ACTG2: variants seen among roughly 807,000 people sequenced by gnomAD.
ACTG2 encodes the protein actin gamma 2, smooth muscle.
In ACTG2, 16 loss-of-function variants were observed where a neutral mutation model predicts 37.6. The ratio of observed to expected loss-of-function variants is 0.43; its 90% confidence interval spans 0.29 to 0.65. ACTG2 has a LOEUF of 0.65. Ranked by LOEUF, ACTG2 falls within the 30% of genes least tolerant of loss-of-function variation. The pLI, the probability that ACTG2 is intolerant of heterozygous loss-of-function variation, is 0.18. For synonymous variants in ACTG2, 181 were observed against 179.9 expected, an observed-to-expected ratio of 1.01 and a Z score of -0.05; for missense variants, 238 against 490.9, an observed-to-expected ratio of 0.48 and a Z score of 4.87.
At chr2:73,905,581 G>A (rs920902807) in intron 3 of ACTG2, among the ~76,000 whole-genome samples, 3 of 152,098 alleles carry the variant, frequency 2.0e-5, no homozygotes, top group Non-Finnish European at 4.4e-5. Context: ...AAATAACTAG[G>A]TATGATTTTT....
intron 7 of ACTG2, among the ~76,000 whole-genome samples, chr2:73,915,944 A>G (rs1334165843): frequency 6.6e-6 from 1 of 152,162 alleles, no homozygotes; most frequent in African/African-American, 2.4e-5. Flanking sequence ...GAAGGTATTT[A>G]AAATGTTCTA....
rs923003043 is a variant in ACTG2 at position 73,902,915 on chromosome 2, G to A, written c.255+427G>A. ...TTTCCTGCAATATTTACTCAGGCCA[G>A]TGCTCACCCCTTCTTTAAAATGCTG... On this transcript the variant is annotated intron_variant, in intron 3 of 8. Transcript: ENST00000345517. 3.8e-6 allele frequency: 3 copies of A among 783,758 alleles called. No individual in the cohort carries two copies. In the Admixed American group the frequency reaches 9.0e-5, roughly 23 times the overall value. The allele number at this position is 783,758 out of a possible 1,614,324, so 48.6% of individuals were successfully genotyped here.
chr2:73,905,944 C>G lies in ACTG2; in HGVS notation c.256-2729C>G, dbSNP rs1052561708. Among the ~76,000 whole-genome samples, 30 of 149,976 alleles carry G rather than the reference C, an allele frequency of 2.0e-4. 1 individual carries two copies. The highest frequency in any genetic ancestry group is 6.6e-5 in the Admixed American group (1 of 15,130). ...AGCATTTTCAAAAGTTTAAGTTTAT[C>G]AAAAATAAATATTTATTATGAAAAG... is the stretch of plus-strand genomic sequence containing the variant. On this transcript the variant is annotated intron_variant, in intron 3 of 8. Coordinates refer to ENST00000345517, the MANE Select transcript of ACTG2 (RefSeq NM_001615.4).
intron 8 of ACTG2, 44 bp downstream of exon 8, chr2:73,916,809 G>C: frequency 1.3e-6 from 2 of 1,588,068 alleles, no homozygotes; most frequent in Non-Finnish European, 1.7e-6. Context: ...TTTGTATAAA[G>C]TCTTGCCTAC....
At chr2:73,901,153 C>T in intron 1 of ACTG2, 123 bp from the exon 2 acceptor site, 1 of 766,770 alleles carries the variant, frequency 1.3e-6, no homozygotes, top group Non-Finnish European at 1.9e-6. Context: ...AGGCCAAGCC[C>T]ATGCCTGTCC....
In ACTG2 at chr2:73,910,852, C is replaced by CA. The variant is rs1441963537; in HGVS notation, c.451+1714dup. 3.3e-5 allele frequency among the ~76,000 whole-genome samples: 5 copies of CA among 152,194 alleles called. No individual in the cohort carries two copies. The East Asian group carries it at 9.7e-4, about 29-fold the overall frequency. On this transcript the variant is annotated intron_variant, in intron 5 of 8. Coordinates refer to ENST00000345517, the MANE Select transcript of ACTG2 (RefSeq NM_001615.4). ...GTACTGGGATTACAGGTGTGATCAT[C>CA]ACCCCCAGCCAAAAATAGTTTCATT... is the stretch of plus-strand genomic sequence containing the variant.
chr2:73,906,473 T>A (rs1680018462), intron 3 of ACTG2, among the ~76,000 whole-genome samples: 2 of 139,832 alleles, frequency 1.4e-5, no homozygotes, highest in South Asian at 4.7e-4. Context: ...AAAAAATAAA[T>A]AAATAAATAA....
intron 7 of ACTG2, among the ~76,000 whole-genome samples, chr2:73,916,085 A>G (rs1721261): frequency 0.53 from 81,266 of 152,068 alleles, 23,451 homozygotes; most frequent in Non-Finnish European, 0.63. Flanking sequence ...AGGCAACAGT[A>G]TAAAAGATCA....
intron 1 of ACTG2, among the ~76,000 whole-genome samples, chr2:73,900,243 C>T (rs1214644204): frequency 6.6e-6 from 1 of 152,228 alleles, no homozygotes; most frequent in African/African-American, 2.4e-5. Context: ...GGGGCCTTCC[C>T]CACTTCTGCC....
At chr2:73,913,686 C>A in intron 6 of ACTG2, 40 bp downstream of exon 6, 1 of 1,551,568 alleles carries the variant, frequency 6.4e-7, no homozygotes, top group Non-Finnish European at 8.8e-7. Context: ...GAGCTCAGAA[C>A]CAATCTGGTT....
At chr2:73,895,811 G>A (rs1034629910) in intron 1 of ACTG2, among the ~76,000 whole-genome samples, 9 of 152,264 alleles carry the variant, frequency 5.9e-5, no homozygotes, top group South Asian at 2.1e-4. Flanking sequence ...AGCCCTTGAC[G>A]ACAGGGATTG....
At chr2:73,913,079 GA>G (rs1680175852) in intron 5 of ACTG2, among the ~76,000 whole-genome samples, 1 of 146,522 alleles carries the variant, frequency 6.8e-6, no homozygotes, top group South Asian at 2.1e-4. Context: ...TGAGGCAGGA[GA>G]ATCACTTGAA....
At chr2:73,910,654 A>C (rs1680113015) in intron 5 of ACTG2, among the ~76,000 whole-genome samples, 1 of 136,358 alleles carries the variant, frequency 7.3e-6, no homozygotes, top group Non-Finnish European at 1.6e-5. Flanking sequence ...GCGTGCCACC[A>C]TGCCTGGCTT....
intron 8 of ACTG2, among the ~76,000 whole-genome samples, chr2:73,918,226 G>C (rs937806107): frequency 3.3e-5 from 5 of 152,168 alleles, no homozygotes; most frequent in African/African-American, 4.8e-5. Context: ...GGGAACTGGG[G>C]GAGATGAGGC....
rs58042852 is a variant in ACTG2, at chr2:73,901,532, ATGTGTGTGTGTGTGTGTGTGTG to A, written c.126+123_126+144del. On this transcript the variant is annotated intron_variant, in intron 2 of 8. Coordinates refer to ENST00000345517, the MANE Select transcript of ACTG2 (RefSeq NM_001615.4). Reference sequence around the variant, plus strand: ...CTGAGCTGGGGGTTAGGGGAAGGAAATGTGTGTGTGTGTGTGTGTGTGTGTGTGTGTGTGTGTGTGTGTGTGT... The same window carrying A: ...CTGAGCTGGGGGTTAGGGGAAGGAAATGTGTGTGTGTGTGTGTGTGTGTGT... The A allele has an allele frequency of 1.8e-4, 203 of 1,145,024 alleles. 2 individuals carry two copies. In the African/African-American group the frequency reaches 3.4e-3, roughly 19 times the overall value. 70.9% of individuals were successfully genotyped at this position (1,145,024 alleles called of 1,614,324 possible).
At chr2:73,912,954 G>A (rs570540162) in intron 5 of ACTG2, among the ~76,000 whole-genome samples, 146 of 152,258 alleles carry the variant, frequency 9.6e-4, no homozygotes, top group Non-Finnish European at 1.7e-3. Flanking sequence ...AATTGCCTGA[G>A]GTCAGGAGTT....
At chr2:73,914,998 C>T (rs1680228090) in intron 7 of ACTG2, 127 bp downstream of exon 7, 3 of 801,154 alleles carry the variant, frequency 3.7e-6, no homozygotes, top group Non-Finnish European at 5.1e-6. Context: ...CTCACATTTT[C>T]CTAGGAAGGG....
chr2:73,908,415 A>C (rs1680058323), intron 3 of ACTG2: 1 of 565,378 alleles, frequency 1.8e-6, no homozygotes. Flanking sequence ...TAGGAGAGTG[A>C]AGAGGAGGGA....
intron 3 of ACTG2, among the ~76,000 whole-genome samples, chr2:73,904,769 GTGTGTGTGTATATATATATATATA>G (rs1417305382): frequency 3.0e-4 from 11 of 36,374 alleles, no homozygotes; most frequent in East Asian, 8.0e-4. Flanking sequence ...GTGTGTGTGT[GTGTGTGTGTATATATATATATATA>G]TATATATATA....
Sources: gnomAD v4.1 joint callset for allele counts (sites outside exome capture counted in the v4.1 genomes callset) on GRCh38, gnomAD v4.1.1 for gene constraint, MANE v1.5 for transcripts, NCBI Gene and HGNC (gene_info 2026-07-23, HGNC 2026-07-21) for gene names.